PCDH15: variants seen among roughly 807,000 people sequenced by gnomAD.
The protein encoded by PCDH15 is protocadherin-15.
In PCDH15, 129 loss-of-function variants were observed where a neutral mutation model predicts 178.5. That is an observed-to-expected ratio of 0.72 (90% CI 0.63 to 0.84). PCDH15 has a LOEUF of 0.84. PCDH15 is among the 40% of genes least tolerant of loss of function. The pLI is 0.00. For missense variants in PCDH15, 2,230 were observed against 2,099.9 expected (o/e 1.06, Z -1.21); for synonymous variants, 800 against 732.0 (o/e 1.09, Z -1.50).
intron 1 of PCDH15, among the ~76,000 whole-genome samples, chr10:54,690,193 G>A (rs1039724773): frequency 6.6e-6 from 1 of 151,886 alleles, no homozygotes; most frequent in African/African-American, 2.4e-5. Flanking sequence ...TAATGCTGGT[G>A]TTAACCTACT....
At chr10:54,316,068 TA>T in intron 8 of PCDH15, among the ~76,000 whole-genome samples, 1 of 152,088 alleles carries the variant, frequency 6.6e-6, no homozygotes, top group South Asian at 2.1e-4. Flanking sequence ...AAGTTCTGAT[TA>T]GCTTTTTTGC....
chr10:54,702,862 A>G (rs931730707), intron 1 of PCDH15, among the ~76,000 whole-genome samples: 2 of 152,032 alleles, frequency 1.3e-5, no homozygotes, highest in Non-Finnish European at 2.9e-5. Flanking sequence ...TCTATGAGTC[A>G]TGCATCATTC....
In PCDH15 at chr10:54,128,456, C is replaced by T. The variant is rs1283949878; in HGVS notation, c.1917+4419G>A. ...CACATTTCTCTCCAATGTTCTCTCC[C>T]TTGTTTTAGTTGTACTGACTCAAAT... On this transcript the variant is annotated intron_variant, in intron 15 of 37. Coordinates refer to ENST00000644397, the MANE Select transcript of PCDH15 (RefSeq NM_001384140.1). Among the ~76,000 whole-genome samples, 3 of 152,248 alleles carry T rather than the reference C, an allele frequency of 2.0e-5. No homozygotes were observed. The South Asian group carries it at 6.2e-4, about 32-fold the overall frequency.
intron 2 of PCDH15, among the ~76,000 whole-genome samples, chr10:55,409,552 T>C (rs1458686528): frequency 2.0e-5 from 3 of 152,046 alleles, no homozygotes; most frequent in African/African-American, 7.2e-5. Flanking sequence ...CAGCCAAAAT[T>C]ACCTTTCATG....
chr10:54,386,812 T>C (rs1949987291), intron 3 of PCDH15, among the ~76,000 whole-genome samples: 2 of 152,046 alleles, frequency 1.3e-5, no homozygotes, highest in South Asian at 2.1e-4. Context: ...ACCTAAAAAA[T>C]AGCAAGTGTT....
Position 55,061,239 on chromosome 10 carries a change from A to T in PCDH15, c.-80+105337T>A, listed in dbSNP as rs78618450. ...CAACAAAAAGTAAGACATCCAATTT[A>T]TAAAAAGCGAAAAACCTTAACACTT... is the stretch of plus-strand genomic sequence containing the variant. On this transcript the variant is annotated intron_variant, in intron 2 of 5. Transcript: ENST00000458638. Among the ~76,000 whole-genome samples, 1,226 of 152,322 alleles carry T rather than the reference A, an allele frequency of 8.0e-3. 17 individuals carry two copies. Among genetic ancestry groups the T allele is most frequent in the African/African-American group, 0.028 (1,159 of 41,578 alleles).
chr10:54,710,578 T>TCAAAATC (rs1313341106), intron 1 of PCDH15, among the ~76,000 whole-genome samples: 1 of 152,016 alleles, frequency 6.6e-6, no homozygotes, highest in African/African-American at 2.4e-5. Flanking sequence ...TCAGCCTGTG[T>TCAAAATC]CAAAAGGATT....
At chr10:55,313,290 T>C (rs1843636558) in intron 1 of PCDH15, among the ~76,000 whole-genome samples, 1 of 152,214 alleles carries the variant, frequency 6.6e-6, no homozygotes, top group South Asian at 2.1e-4. Context: ...TCCTCTTCAG[T>C]ACAGTGGTTC....
At chr10:55,340,763 G>A (rs1441912937) in intron 2 of PCDH15, among the ~76,000 whole-genome samples, 4 of 151,882 alleles carry the variant, frequency 2.6e-5, no homozygotes, top group South Asian at 2.1e-4. Flanking sequence ...GAATCTATGA[G>A]ATTTTGTAAT....
chr10:54,084,669 G>T (rs150456295), intron 16 of PCDH15, among the ~76,000 whole-genome samples: 2 of 151,974 alleles, frequency 1.3e-5, no homozygotes, highest in Admixed American at 6.6e-5. Flanking sequence ...ACAAGCTACC[G>T]AATTTAAAAC....
intron 1 of PCDH15, among the ~76,000 whole-genome samples, chr10:55,275,327 A>AT (rs1459085762): frequency 6.6e-6 from 1 of 151,634 alleles, no homozygotes; most frequent in Admixed American, 6.6e-5. Context: ...AAGTTCCTAA[A>AT]TTTACTGCTG....
chr10:54,847,923 G>A (rs1953542614), intron 3 of PCDH15, among the ~76,000 whole-genome samples: 1 of 152,112 alleles, frequency 6.6e-6, no homozygotes, highest in Non-Finnish European at 1.5e-5. Flanking sequence ...TGATGGCCAA[G>A]CCCATATACT....
intron 2 of PCDH15, among the ~76,000 whole-genome samples, chr10:54,586,013 TAAATC>T (rs200623644): frequency 0.017 from 2,649 of 152,220 alleles, 75 homozygotes; most frequent in African/African-American, 0.06. Context: ...AATTGATTGT[TAAATC>T]AAGTCAAAAA....
At chr10:54,756,889 T>C (rs1947205090) in intron 1 of PCDH15, among the ~76,000 whole-genome samples, 2 of 152,208 alleles carry the variant, frequency 1.3e-5, no homozygotes. Context: ...CACAGTGCAA[T>C]TTATGTCAAT....
At chr10:54,210,649 G>GT (rs1221341567) in intron 10 of PCDH15, among the ~76,000 whole-genome samples, 1 of 151,950 alleles carries the variant, frequency 6.6e-6, no homozygotes, top group Non-Finnish European at 1.5e-5. Flanking sequence ...AAGAGGGAGA[G>GT]TATCTCTAAA....
chr10:55,016,955 G>C (rs375763115), intron 2 of PCDH15, among the ~76,000 whole-genome samples: 3 of 99,882 alleles, frequency 3.0e-5, no homozygotes, highest in African/African-American at 1.0e-4. Context: ...GTATAAAGCA[G>C]TTACACTCAC....
chr10:54,714,974 G>A (rs1321460336), intron 1 of PCDH15, among the ~76,000 whole-genome samples: 1 of 151,934 alleles, frequency 6.6e-6, no homozygotes, highest in Non-Finnish European at 1.5e-5. Context: ...TTCTTAAAAA[G>A]TTTAAAACCA....
intron 15 of PCDH15, among the ~76,000 whole-genome samples, chr10:54,092,993 C>A (rs2094625367): frequency 6.6e-6 from 1 of 152,060 alleles, no homozygotes; most frequent in Admixed American, 6.6e-5. Flanking sequence ...TTCATGTAAA[C>A]AATTTTAAGA....
chr10:55,165,718 A>C (rs1325454775), intron 2 of PCDH15, among the ~76,000 whole-genome samples: 1 of 152,030 alleles, frequency 6.6e-6, no homozygotes, highest in Non-Finnish European at 1.5e-5. Context: ...TATGATAAGC[A>C]GTCATGTGTT....
Sources: allele counts gnomAD v4.1 joint callset (sites outside exome capture counted in the v4.1 genomes callset), GRCh38; gene constraint gnomAD v4.1.1; transcripts MANE v1.5; gene names NCBI Gene and HGNC (gene_info 2026-07-23, HGNC 2026-07-21).